KLKB1: variants seen among roughly 807,000 people sequenced by gnomAD.
KLKB1 encodes the protein kallikrein B1.
KLKB1 carries 58 observed loss-of-function variants against 73.6 expected under a neutral mutation model. The ratio of observed to expected loss-of-function variants is 0.79; its 90% CI spans 0.64 to 0.98. The LOEUF (loss-of-function observed/expected upper bound fraction) is 0.98. Ranked by LOEUF, KLKB1 falls within the 50% of genes least tolerant of loss-of-function variation. KLKB1 has a pLI of 0.00. For missense variants in KLKB1, 737 were observed against 763.8 expected (o/e 0.96, Z 0.41); for synonymous variants, 280 against 258.1 (o/e 1.08, Z -0.81).
In KLKB1 at chr4:186,237,158, G is replaced by T. The variant is rs1305900607; in HGVS notation, c.488+218G>T. On this transcript the variant is annotated intron_variant, in intron 5 of 14. Coordinates refer to ENST00000264690, the MANE Select transcript of KLKB1 (RefSeq NM_000892.5). ...CTGTCGCCCAGGCTAGAGTGCAGTGGCGTAATCTCGACTCACTACAACCTC... is the reference window on the plus strand; with the variant it reads ...CTGTCGCCCAGGCTAGAGTGCAGTGTCGTAATCTCGACTCACTACAACCTC... Among the ~76,000 whole-genome samples, 5 of 152,160 alleles carry T rather than the reference G, an allele frequency of 3.3e-5. No homozygotes were observed. The East Asian group carries it at 9.7e-4, about 29-fold the overall frequency.
intron 12 of KLKB1, among the ~76,000 whole-genome samples, chr4:186,255,210 C>T (rs1222242054): frequency 6.6e-6 from 1 of 152,126 alleles, no homozygotes; most frequent in African/African-American, 2.4e-5. Context: ...GCATCGTGGT[C>T]AGAGGTGTTG....
chr4:186,238,409 T>C (rs1402865315), intron 6 of KLKB1, 44 bp downstream of exon 6: 1 of 1,346,040 alleles, frequency 7.4e-7, no homozygotes, highest in Non-Finnish European at 1.1e-6. Context: ...GTAGGTGGAA[T>C]AGGAGCCCCC....
Position 186,251,841 on chromosome 4 carries a change from G to A in KLKB1, c.1124G>A (p.Cys375Tyr). 1.9e-6 allele frequency: 3 copies of A among 1,613,302 alleles called. No homozygotes were observed. Among genetic ancestry groups the A allele is most frequent in the Non-Finnish European group, 2.5e-6 (3 of 1,179,498 alleles). Reference protein sequence around the residue: ...QGSSGYSLRLCNTGDNSVCTT... With the variant: ...QGSSGYSLRLYNTGDNSVCTT... ...AGCTCTGGTTACTCTTTGAGATTGT[G>A]TAACACTGGGGACAACTCTGGTGAG... Residue 375 changes from cysteine to tyrosine, a missense_variant, in exon 10 of 15, where the codon TGT becomes TAT. Cys to Tyr is a radical substitution (Grantham distance 194). Coordinates refer to ENST00000264690, the MANE Select transcript of KLKB1 (RefSeq NM_000892.5).
At position 186,245,822 on chromosome 4, in the gene KLKB1, TG is replaced by T. The variant is rs79496780; in HGVS notation, c.599-4419del. Among the ~76,000 whole-genome samples, 38 of 102,638 alleles carry T rather than the reference TG, an allele frequency of 3.7e-4. 2 individuals are homozygous for T. The highest frequency in any genetic ancestry group is 5.4e-4 in the Admixed American group (5 of 9,218). The allele number at this position is 102,638 out of a possible 152,430, so 67.3% of individuals were successfully genotyped here. A position where few individuals can be genotyped will look rare whatever the true frequency, so the allele number is the denominator to read the frequency against. ...TTGGAGTTTTTTTTTGTTTGTTTTT[TG>T]GTTTTTTTTTTTTAATGTCAGGAGC... On this transcript the variant is annotated intron_variant, in intron 6 of 14. Transcript: ENST00000264690.
intron 6 of KLKB1, among the ~76,000 whole-genome samples, chr4:186,246,771 G>T (rs1446802771): frequency 6.6e-6 from 1 of 152,148 alleles, no homozygotes; most frequent in Non-Finnish European, 1.5e-5. Flanking sequence ...GCCACTAAGG[G>T]TGAAGGATCA....
intron 6 of KLKB1, among the ~76,000 whole-genome samples, chr4:186,247,296 C>G (rs564001160): frequency 6.6e-6 from 1 of 151,948 alleles, no homozygotes; most frequent in African/African-American, 2.4e-5. Context: ...TGGGTGCAGG[C>G]GGGCTGAGTC....
chr4:186,258,333 A>T lies in KLKB1; in HGVS notation c.*121A>T. On this transcript the variant is annotated 3_prime_UTR_variant, in exon 15 of 15. Transcript: ENST00000264690. ...CTTCTTTGCATCCTAAGGACGAAAA[A>T]CACAGTGCACTCAGAGCTGCTGAGG... The T allele has an allele frequency of 4.7e-6, 4 of 843,706 alleles. No individual in the cohort carries two copies. In the South Asian group the frequency reaches 5.8e-5, roughly 12 times the overall value. 52.3% of individuals were successfully genotyped at this position (843,706 alleles called of 1,614,324 possible).
At chr4:186,239,670 TTA>T in intron 6 of KLKB1, among the ~76,000 whole-genome samples, 1 of 133,630 alleles carries the variant, frequency 7.5e-6, no homozygotes, top group Non-Finnish European at 1.6e-5. Context: ...AGTGATACTG[TTA>T]TAGTTATAGG....
rs773549903 is a variant in KLKB1 at position 186,258,203 on chromosome 4, A to C, written c.1908A>C (p.Ser636=). The change falls in exon 15 of 15, where the codon TCA becomes TCC. Residue 636 remains serine (S), a synonymous_variant. Transcript: ENST00000264690. The part of the protein sequence containing the change: ...QSSDGKAQMQ[S]PA ...GTGATGGAAAAGCTCAGATGCAGTC[A>C]CCAGCATGAGAAGCAGTCCAGAGTC... 9 of 1,613,934 alleles carry C rather than the reference A, an allele frequency of 5.6e-6. No homozygotes were observed. The highest frequency in any genetic ancestry group is 1.7e-4 in the Middle Eastern group (1 of 6,026).
chr4:186,249,432 A>C (rs1738550863), intron 6 of KLKB1, among the ~76,000 whole-genome samples: 9 of 152,172 alleles, frequency 5.9e-5, no homozygotes, highest in Admixed American at 5.9e-4. Context: ...TAAATGTAAG[A>C]GTTTATTTTT....
At chr4:186,231,133 AC>A in intron 2 of KLKB1, among the ~76,000 whole-genome samples, 1 of 152,152 alleles carries the variant, frequency 6.6e-6, no homozygotes, top group Admixed American at 6.5e-5. Flanking sequence ...AATAAAATGC[AC>A]GTGGTCTAAG....
Position 186,251,534 on chromosome 4 carries a change from G to A in KLKB1, c.916G>A (p.Glu306Lys), listed in dbSNP as rs1314413635. The change falls in exon 9 of 15, where the codon GAA (glutamate) becomes AAA (lysine). Residue 306 changes from glutamate (E) to lysine (K), a missense_variant. Glu to Lys is a moderately conservative substitution (Grantham distance 56). Transcript: ENST00000264690. ...CCCGGGAGTTGACTTTGGAGGAGAA[G>A]AATTGAATGTGACTTTTGTTAAAGG... ...IYPGVDFGGE[E>K]LNVTFVKGVN... 1.9e-6 allele frequency: 3 copies of A among 1,614,062 alleles called. No homozygotes were observed. The highest frequency in any genetic ancestry group is 2.2e-5 in the South Asian group (2 of 91,078).
At chr4:186,222,551 C>T (rs1737054379), upstream of KLKB1, among the ~76,000 whole-genome samples, 1 of 152,152 alleles carries the variant, frequency 6.6e-6, no homozygotes, top group African/African-American at 2.4e-5. Flanking sequence ...AACTTCTCCT[C>T]CTCCCACATT....
At chr4:186,257,744 AGT>A (rs67371055) in intron 14 of KLKB1, among the ~76,000 whole-genome samples, 33,537 of 146,904 alleles carry the variant, frequency 0.23, 3,874 homozygotes, top group South Asian at 0.37. Context: ...AGAAAGAGTG[AGT>A]GTGTGTGTGT....
At chr4:186,230,396 G>A (rs1561448916) in intron 2 of KLKB1, among the ~76,000 whole-genome samples, 1 of 151,958 alleles carries the variant, frequency 6.6e-6, no homozygotes, top group Non-Finnish European at 1.5e-5. Context: ...TAAAATTTGA[G>A]TACTTTAATT....
chr4:186,237,788 A>G (rs1458704756), intron 5 of KLKB1, among the ~76,000 whole-genome samples: 1 of 152,050 alleles, frequency 6.6e-6, no homozygotes, highest in East Asian at 1.9e-4. Flanking sequence ...CATTGTACCC[A>G]CTAAGCTATT....
intron 7 of KLKB1, chr4:186,250,999 G>A: frequency 1.8e-6 from 1 of 544,196 alleles, no homozygotes; most frequent in East Asian, 3.1e-5. Flanking sequence ...TTTTCAGGTT[G>A]TCTGTGCCTA....
At chr4:186,253,150 AG>A (rs1326418261) in intron 11 of KLKB1, among the ~76,000 whole-genome samples, 1 of 152,260 alleles carries the variant, frequency 6.6e-6, no homozygotes. Context: ...TACTGTGTGT[AG>A]AACATAAACA....
At chr4:186,252,317 T>A (rs1738726354) in intron 11 of KLKB1, 132 bp downstream of exon 11, 1 of 1,009,166 alleles carries the variant, frequency 9.9e-7, no homozygotes, top group East Asian at 2.5e-5. Flanking sequence ...ATTCACAACA[T>A]TTAACTTATA....
Sources: gnomAD v4.1 joint callset for allele counts (sites outside exome capture counted in the v4.1 genomes callset) on GRCh38, gnomAD v4.1.1 for gene constraint, MANE v1.5 for transcripts, NCBI Gene and HGNC (gene_info 2026-07-23, HGNC 2026-07-21) for gene names.